The following NR6A1 variants were observed in gnomAD, a reference collection of about 807,000 sequenced individuals.
The protein encoded by NR6A1 is retinoic acid receptor-related testis-associated receptor.
In NR6A1, 7 loss-of-function variants were observed where a neutral mutation model predicts 59.1. The observed-to-expected ratio is 0.12, with a 90% CI of 0.07 to 0.22. NR6A1 has a LOEUF of 0.22. NR6A1 is among the 10% of genes least tolerant of loss of function. The pLI is 1.00. For synonymous variants in NR6A1, 243 were observed against 236.1 expected (o/e 1.03, Z -0.27); for missense variants, 468 against 611.6 (o/e 0.77, Z 2.48).
rs1472306342 is a variant in NR6A1 at position 124,770,963 on chromosome 9, C to T, written c.100+57G>A. On this transcript the variant is annotated intron_variant, in intron 1 of 9. Coordinates refer to ENST00000487099, the MANE Select transcript of NR6A1 (RefSeq NM_033334.4). ...CGGCAGAGAGGAGGGGGATCCCTGG[C>T]GGAGGCTCAGGAAGCCGGTTCCTGC... 3.1e-6 allele frequency: 3 copies of T among 982,532 alleles called. No homozygotes were observed. The East Asian group carries it at 9.8e-5, about 32-fold the overall frequency. The allele number at this position is 982,532 out of a possible 1,614,324, so 60.9% of individuals were successfully genotyped here.
At chr9:124,594,881 G>A (rs1259706060) in intron 2 of NR6A1, among the ~76,000 whole-genome samples, 1 of 152,200 alleles carries the variant, frequency 6.6e-6, no homozygotes, top group African/African-American at 2.4e-5. Flanking sequence ...AGCTTTCCCA[G>A]GACCAGCTAT....
intron 2 of NR6A1, among the ~76,000 whole-genome samples, chr9:124,689,664 A>G (rs1285615526): frequency 6.6e-6 from 1 of 152,140 alleles, no homozygotes; most frequent in East Asian, 1.9e-4. Flanking sequence ...TAATCTCACT[A>G]CTCACCATTA....
intron 2 of NR6A1, among the ~76,000 whole-genome samples, chr9:124,677,267 C>T (rs1165417766): frequency 6.6e-6 from 1 of 151,850 alleles, no homozygotes; most frequent in Admixed American, 6.6e-5. Flanking sequence ...TTACTATTTC[C>T]TTTCTTCTGG....
chr9:124,737,237 C>T (rs1428811994), intron 1 of NR6A1, among the ~76,000 whole-genome samples: 1 of 152,190 alleles, frequency 6.6e-6, no homozygotes, highest in African/African-American at 2.4e-5. Flanking sequence ...GTAATTACAT[C>T]TACATTCCCT....
chr9:124,631,893 CTACTTA>C (rs1294716536), intron 2 of NR6A1, among the ~76,000 whole-genome samples: 10 of 152,142 alleles, frequency 6.6e-5, no homozygotes, highest in African/African-American at 2.4e-4. Context: ...CATTTAGCTC[CTACTTA>C]TAAGTGAGAA....
rs117434026 is a variant in NR6A1 at position 124,675,318 on chromosome 9, T to C, written c.142+57990A>G. On this transcript the variant is annotated intron_variant, in intron 2 of 9. Coordinates refer to ENST00000487099, the MANE Select transcript of NR6A1 (RefSeq NM_033334.4). ...GAATTGTAATTTATCTGTCTAAGAG[T>C]CTGTGCCTCCTACCAGACTGTAACT... 6.5e-3 allele frequency among the ~76,000 whole-genome samples: 986 copies of C among 152,264 alleles called. 8 individuals are homozygous for C. The highest frequency in any genetic ancestry group is 0.011 in the Admixed American group (168 of 15,284).
At chr9:124,672,830 T>A (rs1465788041) in intron 2 of NR6A1, among the ~76,000 whole-genome samples, 1 of 152,114 alleles carries the variant, frequency 6.6e-6, no homozygotes, top group East Asian at 1.9e-4. Context: ...TACCTTGGGC[T>A]AGATTCTGAT....
chr9:124,757,336 A>G (rs537383075), intron 1 of NR6A1, among the ~76,000 whole-genome samples: 1 of 152,294 alleles, frequency 6.6e-6, no homozygotes, highest in Non-Finnish European at 1.5e-5. Flanking sequence ...GGGCTGTCAT[A>G]CAGCTATCGA....
chr9:124,711,807 T>C (rs928085983), intron 2 of NR6A1, among the ~76,000 whole-genome samples: 3 of 152,176 alleles, frequency 2.0e-5, no homozygotes, highest in African/African-American at 7.2e-5. Flanking sequence ...GTCTTTATTG[T>C]TAAGATACAG....
chr9:124,685,899 A>C (rs953396130), intron 2 of NR6A1, among the ~76,000 whole-genome samples: 1 of 152,206 alleles, frequency 6.6e-6, no homozygotes, highest in Non-Finnish European at 1.5e-5. Context: ...TCATTTATGA[A>C]AGTATGAGGT....
intron 2 of NR6A1, among the ~76,000 whole-genome samples, chr9:124,649,652 G>A (rs75394462): frequency 6.6e-6 from 1 of 151,940 alleles, no homozygotes; most frequent in Non-Finnish European, 1.5e-5. Flanking sequence ...GAAAACAACC[G>A]ACAAAATAAA....
At chr9:124,630,554 AGT>A (rs1005142669) in intron 2 of NR6A1, among the ~76,000 whole-genome samples, 2 of 150,994 alleles carry the variant, frequency 1.3e-5, no homozygotes, top group Admixed American at 1.3e-4. Context: ...GCTTAAAACC[AGT>A]GGAGGCTGGC....
chr9:124,739,815 A>T (rs1840124324), intron 1 of NR6A1, among the ~76,000 whole-genome samples: 1 of 152,224 alleles, frequency 6.6e-6, no homozygotes, highest in Non-Finnish European at 1.5e-5. Flanking sequence ...ACACTAGCTA[A>T]TTATACTCTA....
intron 4 of NR6A1, among the ~76,000 whole-genome samples, chr9:124,542,773 G>T (rs966574944): frequency 1.3e-5 from 2 of 152,100 alleles, no homozygotes; most frequent in Non-Finnish European, 2.9e-5. Flanking sequence ...GCCCAGGCTC[G>T]TCTTGAACTC....
At chr9:124,733,649 T>C (rs1839944782) in intron 1 of NR6A1, among the ~76,000 whole-genome samples, 1 of 152,182 alleles carries the variant, frequency 6.6e-6, no homozygotes, top group South Asian at 2.1e-4. Context: ...ACAGCACAAG[T>C]AATTATGAGT....
chr9:124,598,671 AAGGAAGGG>A, intron 2 of NR6A1: 3 of 398,972 alleles, frequency 7.5e-6, no homozygotes, highest in Non-Finnish European at 8.8e-6. Context: ...AAAAAAAAAC[AAGGAAGGG>A]AAAGAGAGGA....
At chr9:124,634,879 A>C (rs1480584845) in intron 2 of NR6A1, among the ~76,000 whole-genome samples, 2 of 151,982 alleles carry the variant, frequency 1.3e-5, no homozygotes, top group African/African-American at 4.8e-5. Context: ...TTCACACCAA[A>C]ATTAAAGGTT....
At chr9:124,639,383 T>C (rs1836707275) in intron 2 of NR6A1, among the ~76,000 whole-genome samples, 2 of 152,156 alleles carry the variant, frequency 1.3e-5, no homozygotes, top group African/African-American at 4.8e-5. Flanking sequence ...ACATGTAAAC[T>C]CTTACTGAAG....
intron 2 of NR6A1, among the ~76,000 whole-genome samples, chr9:124,699,374 A>G (rs1838866160): frequency 6.6e-6 from 1 of 152,202 alleles, no homozygotes; most frequent in East Asian, 1.9e-4. Context: ...TGGATGGGAA[A>G]TATCATTCAC....
Sources: gnomAD v4.1 joint callset for allele counts (sites outside exome capture counted in the v4.1 genomes callset) on GRCh38, gnomAD v4.1.1 for gene constraint, MANE v1.5 for transcripts, NCBI Gene and HGNC (gene_info 2026-07-23, HGNC 2026-07-21) for gene names.